TNNI3K: variants seen among roughly 807,000 people sequenced by gnomAD.
The protein encoded by TNNI3K is TNNI3 interacting kinase.
TNNI3K carries 140 observed loss-of-function variants against 114.5 expected under a neutral mutation model. That is an observed-to-expected ratio of 1.22 (90% CI 1.07 to 1.41). The LOEUF (loss-of-function observed/expected upper bound fraction) is 1.41, where lower values mean the gene tolerates loss of function less well. TNNI3K is among the 40% of genes most tolerant of loss of function. TNNI3K has a pLI of 0.00. For missense variants in TNNI3K, 1,125 were observed against 1,007.6 expected (o/e 1.12, Z -1.58); for synonymous variants, 347 against 347.5 (o/e 1.00, Z 0.02).
chr1:74,443,948 A>G (rs1221726887), intron 20 of TNNI3K, among the ~76,000 whole-genome samples: 2 of 152,234 alleles, frequency 1.3e-5, no homozygotes, highest in Non-Finnish European at 2.9e-5. Flanking sequence ...GGTCTTTGAT[A>G]CAATTCAACA....
chr1:74,374,579 T>G (rs1405140498), intron 17 of TNNI3K: 1 of 151,962 alleles, frequency 6.6e-6, no homozygotes, highest in African/African-American at 2.4e-5. Flanking sequence ...TTTTAAAAAG[T>G]CAATTCCTGT....
chr1:74,402,637 A>C (rs1361122860), intron 17 of TNNI3K, among the ~76,000 whole-genome samples: 1 of 152,206 alleles, frequency 6.6e-6, no homozygotes, highest in Non-Finnish European at 1.5e-5. Context: ...TAGAGTCTTC[A>C]ATTTTAACAT....
chr1:74,503,815 A>G (rs1206217008), intron 23 of TNNI3K, among the ~76,000 whole-genome samples: 4 of 152,234 alleles, frequency 2.6e-5, no homozygotes, highest in African/African-American at 9.6e-5. Context: ...TAACAAAATC[A>G]GAAAATCTCC....
At chr1:74,360,490 A>G (rs1418155609) in intron 11 of TNNI3K, among the ~76,000 whole-genome samples, 3 of 152,054 alleles carry the variant, frequency 2.0e-5, no homozygotes, top group Admixed American at 2.0e-4. Flanking sequence ...AATACTTCAC[A>G]TATATTAACT....
chr1:74,480,207 T>A (rs1047595216), intron 21 of TNNI3K: 6 of 717,398 alleles, frequency 8.4e-6, no homozygotes, highest in Admixed American at 2.0e-5. Flanking sequence ...AGGAGGGGAC[T>A]TCTGTCCTTT....
At chr1:74,390,826 G>T (rs1280556000) in intron 17 of TNNI3K, among the ~76,000 whole-genome samples, 1 of 152,130 alleles carries the variant, frequency 6.6e-6, no homozygotes, top group Non-Finnish European at 1.5e-5. Flanking sequence ...CTCTGAGAGG[G>T]TGACATCTGA....
At chr1:74,403,970 T>A (rs1374822684) in intron 17 of TNNI3K, among the ~76,000 whole-genome samples, 1 of 152,228 alleles carries the variant, frequency 6.6e-6, no homozygotes, top group Non-Finnish European at 1.5e-5. Context: ...GTCCTTTTTA[T>A]GTGTTGTCTA....
chr1:74,355,630 A>G (rs1470668635), intron 11 of TNNI3K, among the ~76,000 whole-genome samples: 1 of 151,988 alleles, frequency 6.6e-6, no homozygotes, highest in African/African-American at 2.4e-5. Flanking sequence ...TAAATAAATA[A>G]ATGAATAAAT....
rs529833310 is a variant in TNNI3K, at chr1:74,411,546, A to G, written c.1773-24534A>G. On this transcript the variant is annotated intron_variant, in intron 17 of 24. Coordinates refer to ENST00000326637, the MANE Select transcript of TNNI3K (RefSeq NM_015978.3). ...TGACACACAGGTCTTGTCCAGAAAT[A>G]ATGGCCTTAAAGACCCCTGACTGCT... is the stretch of plus-strand genomic sequence containing the variant. Among the ~76,000 whole-genome samples, 6 of 152,182 alleles carry G rather than the reference A, an allele frequency of 3.9e-5. No individual in the cohort carries two copies. In the East Asian group the frequency reaches 1.2e-3, roughly 29 times the overall value.
intron 17 of TNNI3K, among the ~76,000 whole-genome samples, chr1:74,392,878 C>T (rs1349239486): frequency 1.3e-5 from 2 of 152,186 alleles, no homozygotes; most frequent in Non-Finnish European, 2.9e-5. Context: ...AAGGTTCAGG[C>T]AGTATCATAA....
intron 21 of TNNI3K, among the ~76,000 whole-genome samples, chr1:74,476,825 G>A (rs1293149285): frequency 6.6e-6 from 1 of 152,082 alleles, no homozygotes. Flanking sequence ...CAATATTAAT[G>A]AAAACATATT....
intron 20 of TNNI3K, among the ~76,000 whole-genome samples, chr1:74,445,065 C>G (rs1420961670): frequency 6.6e-6 from 1 of 151,942 alleles, no homozygotes; most frequent in African/African-American, 2.4e-5. Context: ...ATGTAAAACC[C>G]AAAACCATAA....
At chr1:74,542,787 G>A (rs1201362056) in intron 24 of TNNI3K, among the ~76,000 whole-genome samples, 2 of 152,188 alleles carry the variant, frequency 1.3e-5, no homozygotes, top group Non-Finnish European at 2.9e-5. Flanking sequence ...CTTTCATGAA[G>A]CAATGAATGG....
At chr1:74,511,574 T>C (rs1387094965) in intron 23 of TNNI3K, among the ~76,000 whole-genome samples, 1 of 152,174 alleles carries the variant, frequency 6.6e-6, no homozygotes, top group Non-Finnish European at 1.5e-5. Context: ...TTATCTATCA[T>C]TTATTAAGCA....
Position 74,515,549 on chromosome 1 carries a change from G to A in TNNI3K, c.2351+23283G>A, listed in dbSNP as rs202185060. ...CTGTTGGCAACCAGTTTTACAAGAG[G>A]CACAAGTCTAATTAGGGCAGAAGTC... On this transcript the variant is annotated intron_variant, in intron 23 of 24. Transcript: ENST00000326637. Among the ~76,000 whole-genome samples the A allele has an allele frequency of 7.2e-5, 11 of 152,152 alleles. No individual in the cohort carries two copies. In the East Asian group the frequency reaches 2.1e-3, roughly 29 times the overall value.
At chr1:74,384,614 A>G (rs1663380413) in intron 17 of TNNI3K, among the ~76,000 whole-genome samples, 1 of 152,002 alleles carries the variant, frequency 6.6e-6, no homozygotes. Flanking sequence ...ATATTTTTGC[A>G]TTTGATTAGT....
intron 5 of TNNI3K, among the ~76,000 whole-genome samples, chr1:74,290,855 C>T (rs894077257): frequency 7.9e-5 from 12 of 151,790 alleles, no homozygotes; most frequent in Non-Finnish European, 1.5e-4. Flanking sequence ...GGATATTCTC[C>T]TAGGTTGTTT....
intron 17 of TNNI3K, among the ~76,000 whole-genome samples, chr1:74,386,788 GTT>G (rs1663502772): frequency 1.3e-5 from 2 of 152,148 alleles, no homozygotes; most frequent in African/African-American, 4.8e-5. Context: ...TAGTGTGAAA[GTT>G]AAAACTTCAA....
intron 23 of TNNI3K, among the ~76,000 whole-genome samples, chr1:74,495,993 T>C (rs1669308239): frequency 6.6e-6 from 1 of 152,166 alleles, no homozygotes; most frequent in African/African-American, 2.4e-5. Flanking sequence ...GCCATGAGTT[T>C]AACAGCTTGT....
Sources: gnomAD v4.1 joint callset for allele counts (sites outside exome capture counted in the v4.1 genomes callset) on GRCh38, gnomAD v4.1.1 for gene constraint, MANE v1.5 for transcripts, NCBI Gene and HGNC (gene_info 2026-07-23, HGNC 2026-07-21) for gene names.